Variants in ERC2 observed in about 807,000 individuals in gnomAD.
ERC2 encodes the protein ELKS/RAB6-interacting/CAST family member 2, also known as ERC protein 2.
A neutral mutation model predicts 114.8 loss-of-function variants in ERC2; 42 were observed. The ratio of observed to expected loss-of-function variants is 0.37; its 90% confidence interval spans 0.29 to 0.47. The LOEUF is 0.47. Ranked by LOEUF, ERC2 falls within the 20% of genes least tolerant of loss-of-function variation. The pLI is 0.99. For synonymous variants in ERC2, 454 were observed against 425.5 expected, an observed-to-expected ratio of 1.07 and a Z score of -0.82; for missense variants, 939 against 1,150.7, an observed-to-expected ratio of 0.82 and a Z score of 2.66.
At chr3:56,199,688 T>C (rs1227410181) in intron 3 of ERC2, among the ~76,000 whole-genome samples, 2 of 151,954 alleles carry the variant, frequency 1.3e-5, no homozygotes, top group South Asian at 2.1e-4. Flanking sequence ...TTTAATTTTT[T>C]TGTAAAGTCA....
chr3:55,890,176 C>G (rs1417009660), intron 13 of ERC2, among the ~76,000 whole-genome samples: 1 of 152,122 alleles, frequency 6.6e-6, no homozygotes, highest in African/African-American at 2.4e-5. Context: ...GTTCACAGAA[C>G]ATCACAAATA....
chr3:55,935,703 C>A (rs2066397925), intron 13 of ERC2, among the ~76,000 whole-genome samples: 1 of 152,200 alleles, frequency 6.6e-6, no homozygotes, highest in African/African-American at 2.4e-5. Context: ...TGTGTGCATA[C>A]AGGGTGCCTG....
intron 14 of ERC2, among the ~76,000 whole-genome samples, chr3:55,773,213 A>G (rs2068352668): frequency 6.6e-6 from 1 of 152,000 alleles, no homozygotes; most frequent in Non-Finnish European, 1.5e-5. Flanking sequence ...CGTTATTTCT[A>G]CTCATCCTCC....
At chr3:56,135,942 G>A (rs982216354) in intron 6 of ERC2, among the ~76,000 whole-genome samples, 1 of 152,168 alleles carries the variant, frequency 6.6e-6, no homozygotes, top group Non-Finnish European at 1.5e-5. Flanking sequence ...AGCAAAATAA[G>A]AAACTTGGCC....
chr3:56,338,280 C>A lies in ERC2; in HGVS notation c.658-41845G>T, dbSNP rs563183690. ...ATGCTGTACATTTATGTTTTGTATA[C>A]TTCCTATATCTGTGTGATATCTCAC... is the stretch of plus-strand genomic sequence containing the variant. On this transcript the variant is annotated intron_variant, in intron 2 of 17. Coordinates refer to ENST00000288221, the MANE Select transcript of ERC2 (RefSeq NM_015576.3). 5.9e-5 allele frequency among the ~76,000 whole-genome samples: 9 copies of A among 152,276 alleles called. No homozygotes were observed. In the South Asian group the frequency reaches 1.9e-3, roughly 32 times the overall value.
intron 17 of ERC2, among the ~76,000 whole-genome samples, chr3:55,563,598 T>G (rs1487372490): frequency 6.6e-6 from 1 of 152,066 alleles, no homozygotes; most frequent in African/African-American, 2.4e-5. Flanking sequence ...ACAGAGACAG[T>G]GACAGAGGAT....
At chr3:55,933,558 T>C (rs374257358) in intron 13 of ERC2, among the ~76,000 whole-genome samples, 2 of 152,232 alleles carry the variant, frequency 1.3e-5, no homozygotes, top group African/African-American at 2.4e-5. Context: ...GCAGCCTATA[T>C]GTGCAGGGCT....
intron 4 of ERC2, among the ~76,000 whole-genome samples, chr3:56,172,489 A>C (rs1370854838): frequency 6.6e-6 from 1 of 152,140 alleles, no homozygotes; most frequent in African/African-American, 2.4e-5. Context: ...GATAATTCAA[A>C]ATCATATGCT....
chr3:56,464,071 G>A (rs772256213), intron 1 of ERC2, among the ~76,000 whole-genome samples: 13 of 152,116 alleles, frequency 8.5e-5, no homozygotes, highest in Admixed American at 2.0e-4. Flanking sequence ...TATATGTCAC[G>A]CAGCTAGCAA....
At chr3:55,665,656 A>G (rs2061330833) in intron 17 of ERC2, among the ~76,000 whole-genome samples, 1 of 152,208 alleles carries the variant, frequency 6.6e-6, no homozygotes, top group South Asian at 2.1e-4. Flanking sequence ...TGTCCCTCAC[A>G]GCCCCAGAAG....
intron 12 of ERC2, among the ~76,000 whole-genome samples, chr3:55,965,603 A>T (rs1339390510): frequency 6.6e-6 from 1 of 152,206 alleles, no homozygotes; most frequent in African/African-American, 2.4e-5. Flanking sequence ...TACCTAACAG[A>T]CTTCATTTTT....
intron 13 of ERC2, among the ~76,000 whole-genome samples, chr3:55,922,621 T>C (rs543689213): frequency 6.6e-6 from 1 of 152,254 alleles, no homozygotes; most frequent in South Asian, 2.1e-4. Context: ...TGTTCCTGGC[T>C]TGTAATTACA....
At chr3:56,366,943 G>A (rs1024755472) in intron 2 of ERC2, among the ~76,000 whole-genome samples, 3 of 152,132 alleles carry the variant, frequency 2.0e-5, no homozygotes, top group African/African-American at 7.2e-5. Flanking sequence ...TTGTTGGGAG[G>A]GCGCAGATTG....
intron 13 of ERC2, among the ~76,000 whole-genome samples, chr3:55,938,527 C>A (rs138746149): frequency 1.9e-4 from 29 of 152,258 alleles, no homozygotes; most frequent in African/African-American, 6.5e-4. Context: ...AAGGTAAAGC[C>A]GTCATTAAGT....
At chr3:55,575,631 T>G (rs2056938149) in intron 17 of ERC2, among the ~76,000 whole-genome samples, 1 of 152,186 alleles carries the variant, frequency 6.6e-6, no homozygotes. Context: ...TGGGCCCAGT[T>G]CCTGGCCCCA....
chr3:56,299,235 CTG>C, intron 2 of ERC2, among the ~76,000 whole-genome samples: 2 of 150,640 alleles, frequency 1.3e-5, no homozygotes, highest in African/African-American at 4.9e-5. Context: ...TCACGCCTTT[CTG>C]CTGCCTCAGC....
chr3:56,416,791 G>GT (rs1010497232), intron 2 of ERC2, among the ~76,000 whole-genome samples: 2 of 151,982 alleles, frequency 1.3e-5, no homozygotes, highest in African/African-American at 2.4e-5. Flanking sequence ...CAGGCAGGAA[G>GT]TTTTTTTCTA....
intron 4 of ERC2, among the ~76,000 whole-genome samples, chr3:56,159,158 C>T (rs2081911358): frequency 6.6e-6 from 1 of 152,162 alleles, no homozygotes; most frequent in Non-Finnish European, 1.5e-5. Context: ...TCAACTTCCA[C>T]CATAATTGTA....
chr3:55,839,590 T>C (rs929722175), intron 14 of ERC2, among the ~76,000 whole-genome samples: 70 of 152,036 alleles, frequency 4.6e-4, no homozygotes, highest in African/African-American at 1.6e-3. Context: ...AAGATTCTTA[T>C]GCTCTACATG....
Sources: gnomAD v4.1 joint callset for allele counts (sites outside exome capture counted in the v4.1 genomes callset) on GRCh38, gnomAD v4.1.1 for gene constraint, MANE v1.5 for transcripts, NCBI Gene and HGNC (gene_info 2026-07-23, HGNC 2026-07-21) for gene names.